DSC2: variants seen among roughly 807,000 people sequenced by gnomAD.
DSC2 encodes the protein desmocollin 2, also known as desmocollin-2.
In DSC2, 51 loss-of-function variants were observed where a neutral mutation model predicts 87.6. The observed-to-expected ratio is 0.58, with a 90% CI of 0.46 to 0.74. DSC2 has a LOEUF of 0.74. DSC2 is among the 30% of genes least tolerant of loss of function. The pLI, the probability that DSC2 is intolerant of heterozygous loss-of-function variation, is 0.00. For synonymous variants in DSC2, 383 were observed against 393.2 expected, an observed-to-expected ratio of 0.97 and a Z score of 0.31; for missense variants, 1,066 against 1,089.5, an observed-to-expected ratio of 0.98 and a Z score of 0.30.
chr18:31,096,671 T>C (rs991319040), intron 1 of DSC2, among the ~76,000 whole-genome samples: 1 of 152,140 alleles, frequency 6.6e-6, no homozygotes, highest in African/African-American at 2.4e-5. Context: ...TTTTTTTTAG[T>C]CTCAAAAAAT....
rs528007573 is a variant in DSC2, at chr18:31,064,453, A to G, written c.*3562T>C. 6.6e-6 allele frequency: 1 copy of G among 152,336 alleles called. No individual in the cohort carries two copies. Among genetic ancestry groups the G allele is most frequent in the Non-Finnish European group, 1.5e-5 (1 of 68,036 alleles). 9.4% of individuals were successfully genotyped at this position (152,336 alleles called of 1,614,324 possible). ...TTTAATGAATGAAATTGTGTCTACA[A>G]TTCTCAAAAGTTTGGCAGTTTTTGG... On this transcript the variant is annotated 3_prime_UTR_variant, in exon 16 of 16. Coordinates refer to ENST00000280904, the MANE Select transcript of DSC2 (RefSeq NM_024422.6).
intron 9 of DSC2, among the ~76,000 whole-genome samples, chr18:31,081,964 G>A (rs1481652839): frequency 6.6e-6 from 1 of 151,832 alleles, no homozygotes; most frequent in African/African-American, 2.4e-5. Flanking sequence ...CTGTCCCAGG[G>A]GCATCAAAGC....
At position 31,065,483 on chromosome 18, in the gene DSC2, A is replaced by G. The variant is rs1986591839; in HGVS notation, c.*2532T>C. On this transcript the variant is annotated 3_prime_UTR_variant, in exon 16 of 16. Coordinates refer to ENST00000280904, the MANE Select transcript of DSC2 (RefSeq NM_024422.6). The stretch of plus-strand genomic sequence containing the variant: ...TATAAGTAAGGAAACTAAGCACAGA[A>G]AGCTTAAGTGACTTCTCAAATCCCA... The G allele has an allele frequency of 6.6e-6, 1 of 152,184 alleles. No individual in the cohort carries two copies. The highest frequency in any genetic ancestry group is 1.5e-5 in the Non-Finnish European group (1 of 68,038). 9.4% of individuals were successfully genotyped at this position (152,184 alleles called of 1,614,324 possible). A position where few individuals can be genotyped will look rare whatever the true frequency, so the allele number is the denominator to read the frequency against.
rs772498376 is a variant in DSC2, at chr18:31,071,613, A to G, written c.2117T>C (p.Leu706Ser). The change falls in exon 13 of 16, where the codon TTG becomes TCG. Residue 706 changes from leucine to serine, a missense_variant. By Grantham distance (145) the Leu-to-Ser change is moderately radical. Transcript: ENST00000280904. ...AILAILLGIA[L>S]LFCILFTLVC... The stretch of plus-strand genomic sequence containing the variant: ...AAGGACTTAAGACTTACAAAAGAGC[A>G]ATGCTATGCCCAACAATATTGCAAG... The G allele has an allele frequency of 1.2e-6, 2 of 1,613,592 alleles. No individual in the cohort carries two copies. Among genetic ancestry groups the G allele is most frequent in the South Asian group, 1.1e-5 (1 of 91,078 alleles).
rs1341439411 is a variant in DSC2, at chr18:31,060,574, C to T, written c.*7441G>A. ...GCACAGTGATGCCAAACAGTTGCTG[C>T]CTTCTGGACAGTCACTTGTTCCACC... On this transcript the variant is annotated 3_prime_UTR_variant, in exon 16 of 16. Coordinates refer to ENST00000280904, the MANE Select transcript of DSC2 (RefSeq NM_024422.6). 1 of 152,174 alleles carries T rather than the reference C, an allele frequency of 6.6e-6. No individual in the cohort carries two copies. The highest frequency in any genetic ancestry group is 2.4e-5 in the African/African-American group (1 of 41,442). The allele number at this position is 152,174 out of a possible 1,614,324, so 9.4% of individuals were successfully genotyped here.
chr18:31,094,792 G>A (rs1030602080), intron 1 of DSC2, among the ~76,000 whole-genome samples: 3 of 152,212 alleles, frequency 2.0e-5, no homozygotes, highest in Non-Finnish European at 2.9e-5. Flanking sequence ...ACACAATGAA[G>A]ACATTAGTTT....
intron 6 of DSC2, among the ~76,000 whole-genome samples, 176 bp downstream of exon 6, chr18:31,087,493 C>T (rs1352020905): frequency 1.3e-5 from 2 of 152,152 alleles, no homozygotes; most frequent in African/African-American, 4.8e-5. Context: ...ATTAGGCTTG[C>T]CAAGATTAGG....
At chr18:31,078,675 CA>C (rs1371021228) in intron 11 of DSC2, among the ~76,000 whole-genome samples, 1 of 151,896 alleles carries the variant, frequency 6.6e-6, no homozygotes, top group Non-Finnish European at 1.5e-5. Flanking sequence ...ATAATGATTA[CA>C]ACTTCAGCAA....
chr18:31,089,686 G>A (rs1987527980), intron 4 of DSC2, 92 bp from the exon 5 acceptor site: 1 of 1,241,100 alleles, frequency 8.1e-7, no homozygotes, highest in Non-Finnish European at 1.1e-6. Flanking sequence ...CATTTTATTA[G>A]TTTAAATAAT....
chr18:31,082,404 T>C lies in DSC2; in HGVS notation c.1097A>G (p.Glu366Gly). 6.2e-7 allele frequency: 1 copy of C among 1,613,586 alleles called. No individual in the cohort carries two copies. Among genetic ancestry groups the C allele is most frequent in the African/African-American group, 1.3e-5 (1 of 75,054 alleles). Residue 366 changes from glutamate to glycine, a missense_variant, in exon 9 of 16, where the codon GAA becomes GGA. Physicochemically the swap from Glu to Gly is moderately conservative, Grantham distance 98. Coordinates refer to ENST00000280904, the MANE Select transcript of DSC2 (RefSeq NM_024422.6). ...TRTSYVTSVE[E>G]NTVDVEILRV... The stretch of plus-strand genomic sequence containing the variant: ...TAAGATTTCCACATCAACTGTATTT[T>C]CTTCCACTGATGTCACATACTAAAA...
intron 1 of DSC2, among the ~76,000 whole-genome samples, chr18:31,099,008 G>GC: frequency 6.6e-6 from 1 of 152,084 alleles, no homozygotes; most frequent in Non-Finnish European, 1.5e-5. Flanking sequence ...TGAGGAACAG[G>GC]CATATGGTAC....
Position 31,059,481 on chromosome 18 carries a change from T to C in DSC2, c.*8534A>G, listed in dbSNP as rs944518043. 10 of 152,200 alleles carry C rather than the reference T, an allele frequency of 6.6e-5. No individual in the cohort carries two copies. Among genetic ancestry groups the C allele is most frequent in the Non-Finnish European group, 1.5e-4 (10 of 68,030 alleles). The allele number at this position is 152,200 out of a possible 1,614,324, so 9.4% of individuals were successfully genotyped here. On this transcript the variant is annotated 3_prime_UTR_variant, in exon 16 of 16. Coordinates refer to ENST00000280904, the MANE Select transcript of DSC2 (RefSeq NM_024422.6). ...AATCATTTACTGTAAATATAATATG[T>C]TCAGTGAAAACTTTATTTATTAAAG...
At chr18:31,075,446 T>C (rs567629386) in intron 11 of DSC2, among the ~76,000 whole-genome samples, 2 of 152,248 alleles carry the variant, frequency 1.3e-5, no homozygotes, top group East Asian at 3.9e-4. Context: ...AAATAGTACA[T>C]GGGAATATTC....
chr18:31,097,954 T>C (rs769873230), intron 1 of DSC2, among the ~76,000 whole-genome samples: 1 of 152,216 alleles, frequency 6.6e-6, no homozygotes, highest in Non-Finnish European at 1.5e-5. Context: ...GCCATTTTAC[T>C]ACTTTATGGA....
chr18:31,090,352 G>A (rs1987549924), intron 4 of DSC2, among the ~76,000 whole-genome samples: 1 of 152,200 alleles, frequency 6.6e-6, no homozygotes, highest in Non-Finnish European at 1.5e-5. Context: ...CAAAGTCATA[G>A]ACTGAATGTA....
chr18:31,078,884 CATAA>C (rs748942934), intron 11 of DSC2, among the ~76,000 whole-genome samples: 55 of 152,218 alleles, frequency 3.6e-4, no homozygotes, highest in African/African-American at 7.9e-4. Context: ...AAACGCGTCT[CATAA>C]ATAATCATCA....
At chr18:31,101,093 G>C in intron 1 of DSC2, 2 of 677,868 alleles carry the variant, frequency 3.0e-6, no homozygotes, top group Non-Finnish European at 3.6e-6. Flanking sequence ...CGCGGGGGGC[G>C]GGTGGTGAGC....
chr18:31,082,916 A>C lies in DSC2; in HGVS notation c.1077+10T>G. 6.2e-7 allele frequency: 1 copy of C among 1,612,650 alleles called. No individual in the cohort carries two copies. The highest frequency in any genetic ancestry group is 8.5e-7 in the Non-Finnish European group (1 of 1,179,516). On this transcript the variant is annotated intron_variant, in intron 8 of 15. Coordinates refer to ENST00000280904, the MANE Select transcript of DSC2 (RefSeq NM_024422.6). Reference sequence around the variant, plus strand: ...TATACATTTTTCTTTAATTAATATCATACACTTACAGAAGTACGAGTAAAT... The same window carrying C: ...TATACATTTTTCTTTAATTAATATCCTACACTTACAGAAGTACGAGTAAAT...
chr18:31,063,602 A>G lies in DSC2; in HGVS notation c.*4413T>C, dbSNP rs1259874300. The G allele has an allele frequency of 6.6e-6, 1 of 152,188 alleles. No homozygotes were observed. Among genetic ancestry groups the G allele is most frequent in the African/African-American group, 2.4e-5 (1 of 41,458 alleles). 9.4% of individuals were successfully genotyped at this position (152,188 alleles called of 1,614,324 possible). The stretch of plus-strand genomic sequence containing the variant: ...ATCATGAGCAAGGCACAAATTGAAA[A>G]ATGAAGGATACAAGGAGATTGGGGA... On this transcript the variant is annotated 3_prime_UTR_variant, in exon 16 of 16. Coordinates refer to ENST00000280904, the MANE Select transcript of DSC2 (RefSeq NM_024422.6).
Sources: gnomAD v4.1 joint callset for allele counts (sites outside exome capture counted in the v4.1 genomes callset) on GRCh38, gnomAD v4.1.1 for gene constraint, MANE v1.5 for transcripts, NCBI Gene and HGNC (gene_info 2026-07-23, HGNC 2026-07-21) for gene names.